Variants in CCSER2 observed in about 807,000 individuals in gnomAD.
CCSER2 encodes serine-rich coiled-coil domain-containing protein 2.
A neutral mutation model predicts 92.3 loss-of-function variants in CCSER2; 46 were observed. That is an observed-to-expected ratio of 0.50 (90% CI 0.39 to 0.64). The LOEUF is 0.64. CCSER2 is among the 30% of genes least tolerant of loss of function. The pLI, the probability that CCSER2 is intolerant of heterozygous loss-of-function variation, is 0.00. For synonymous variants in CCSER2, 433 were observed against 431.4 expected (o/e 1.00, Z -0.04); for missense variants, 1,244 against 1,238.9 (o/e 1.00, Z -0.06).
chr10:84,457,231 A>ATATATT (rs1242136608), intron 6 of CCSER2, among the ~76,000 whole-genome samples: 2 of 92,170 alleles, frequency 2.2e-5, no homozygotes, highest in East Asian at 5.3e-4. Flanking sequence ...ATTATATATA[A>ATATATT]ATATATTATA....
At chr10:84,358,672 ATG>A (rs919260346) in intron 1 of CCSER2, among the ~76,000 whole-genome samples, 7 of 148,038 alleles carry the variant, frequency 4.7e-5, no homozygotes, top group African/African-American at 1.5e-4. Flanking sequence ...ATATACATAT[ATG>A]TATATATATA....
intron 3 of CCSER2, among the ~76,000 whole-genome samples, chr10:84,403,559 AT>A (rs1186646537): frequency 6.6e-6 from 1 of 152,174 alleles, no homozygotes; most frequent in African/African-American, 2.4e-5. Context: ...TGTCCAAAAT[AT>A]CTAACAAACT....
At chr10:84,400,596 GT>G (rs1331493607) in intron 3 of CCSER2, among the ~76,000 whole-genome samples, 8 of 152,126 alleles carry the variant, frequency 5.3e-5, no homozygotes, top group African/African-American at 1.9e-4. Flanking sequence ...TTGGTTGACA[GT>G]TTTTTTCTTT....
At chr10:84,342,524 GA>G (rs775915257) in intron 1 of CCSER2, among the ~76,000 whole-genome samples, 40 of 152,032 alleles carry the variant, frequency 2.6e-4, no homozygotes, top group East Asian at 3.9e-4. Context: ...TAAAAAGGGG[GA>G]AAAAAATGTT....
intron 7 of CCSER2, among the ~76,000 whole-genome samples, chr10:84,464,703 C>T (rs951875196): frequency 1.3e-5 from 2 of 152,130 alleles, no homozygotes; most frequent in South Asian, 4.1e-4. Context: ...TGTAGATCAG[C>T]TGGGACTCTG....
chr10:84,347,823 G>T (rs1163245788), intron 1 of CCSER2, among the ~76,000 whole-genome samples: 4 of 152,060 alleles, frequency 2.6e-5, no homozygotes, highest in Admixed American at 2.6e-4. Context: ...CGGGGTCGTG[G>T]CTGGGCAGAG....
chr10:84,494,712 C>T (rs919992025), intron 9 of CCSER2, among the ~76,000 whole-genome samples: 3 of 152,084 alleles, frequency 2.0e-5, no homozygotes, highest in African/African-American at 2.4e-5. Flanking sequence ...TAGAGTGAAG[C>T]GCAGTCATAA....
At chr10:84,433,440 CACACACACACAT>C (rs932795143) in intron 5 of CCSER2, among the ~76,000 whole-genome samples, 69 of 152,114 alleles carry the variant, frequency 4.5e-4, no homozygotes, top group African/African-American at 1.5e-3. Flanking sequence ...CACATACACA[CACACACACACAT>C]ACACAAGTAT....
At chr10:84,387,458 T>C (rs1454964725) in intron 3 of CCSER2, among the ~76,000 whole-genome samples, 1 of 152,232 alleles carries the variant, frequency 6.6e-6, no homozygotes, top group Non-Finnish European at 1.5e-5. Context: ...TGCTTCCTCC[T>C]ACTTTTGGCA....
chr10:84,475,754 A>G (rs1847099866), intron 8 of CCSER2, among the ~76,000 whole-genome samples: 1 of 152,172 alleles, frequency 6.6e-6, no homozygotes, highest in Non-Finnish European at 1.5e-5. Context: ...TCTGTTCCTC[A>G]TATACCCCTC....
At chr10:84,512,900 A>G (rs969370334) in intron 9 of CCSER2, among the ~76,000 whole-genome samples, 2 of 152,262 alleles carry the variant, frequency 1.3e-5, no homozygotes, top group African/African-American at 4.8e-5. Flanking sequence ...GTCTCGACCT[A>G]TATTTGTTAA....
intron 3 of CCSER2, among the ~76,000 whole-genome samples, chr10:84,412,125 A>G (rs1842682974): frequency 6.6e-6 from 1 of 152,178 alleles, no homozygotes; most frequent in Non-Finnish European, 1.5e-5. Flanking sequence ...TGATTTGCGT[A>G]TGTTGAAACA....
chr10:84,375,696 T>C (rs1330525995), intron 3 of CCSER2, among the ~76,000 whole-genome samples: 1 of 151,740 alleles, frequency 6.6e-6, no homozygotes, highest in Non-Finnish European at 1.5e-5. Flanking sequence ...TCAGCCTTTT[T>C]TATGTATAGC....
intron 3 of CCSER2, among the ~76,000 whole-genome samples, chr10:84,411,569 A>G (rs1406722553): frequency 6.6e-6 from 1 of 152,092 alleles, no homozygotes; most frequent in Non-Finnish European, 1.5e-5. Context: ...TTTTTGTGGC[A>G]GTTATGAATG....
At position 84,333,360 on chromosome 10, in the gene CCSER2, A is replaced by C. The variant is rs544353567; in HGVS notation, c.-40+4552A>C. On this transcript the variant is annotated intron_variant, in intron 1 of 9. Coordinates refer to ENST00000372088, the MANE Select transcript of CCSER2 (RefSeq NM_001284240.2). ...GCATGGAGTTTCTTACCTAATCTTC[A>C]CAGCAACCCTAGGAGGTAGGTTCTT... 2.6e-5 allele frequency among the ~76,000 whole-genome samples: 4 copies of C among 152,122 alleles called. No individual in the cohort carries two copies. The South Asian group carries it at 6.2e-4, about 24-fold the overall frequency.
intron 1 of CCSER2, among the ~76,000 whole-genome samples, chr10:84,354,288 G>C (rs1845036102): frequency 6.6e-6 from 1 of 150,478 alleles, no homozygotes; most frequent in Admixed American, 6.6e-5. Flanking sequence ...TGAAAGAATA[G>C]AGTATGTTTC....
At chr10:84,445,256 C>G (rs892165197) in intron 6 of CCSER2, among the ~76,000 whole-genome samples, 1 of 152,132 alleles carries the variant, frequency 6.6e-6, no homozygotes, top group South Asian at 2.1e-4. Flanking sequence ...TGGGCTCACA[C>G]CATTCTTCTG....
rs776505794 is a variant in CCSER2 at position 84,477,632 on chromosome 10, A to G, written c.2293A>G (p.Lys765Glu). 3 of 1,610,408 alleles carry G rather than the reference A, an allele frequency of 1.9e-6. No individual in the cohort carries two copies. Among genetic ancestry groups the G allele is most frequent in the Middle Eastern group, 1.7e-4 (1 of 6,056 alleles). ...CKEEKCTYAD[K>E]YTQTPWRRIP... The stretch of plus-strand genomic sequence containing the variant: ...AGAGGAAAAATGCACTTATGCTGAT[A>G]AATATACCCAAACACCCTGGAGACG... The change falls in exon 9 of 10, where the codon AAA becomes GAA. Residue 765 changes from lysine to glutamate, a missense_variant. Coordinates refer to ENST00000372088, the MANE Select transcript of CCSER2 (RefSeq NM_001284240.2).
intron 2 of CCSER2, among the ~76,000 whole-genome samples, chr10:84,372,740 C>T (rs1846133230): frequency 6.6e-6 from 1 of 152,118 alleles, no homozygotes; most frequent in Non-Finnish European, 1.5e-5. Context: ...TTAGTATATG[C>T]AGTGCTTCTA....
Sources: gnomAD v4.1 joint callset for allele counts (sites outside exome capture counted in the v4.1 genomes callset) on GRCh38, gnomAD v4.1.1 for gene constraint, MANE v1.5 for transcripts, NCBI Gene and HGNC (gene_info 2026-07-23, HGNC 2026-07-21) for gene names.